The following NAALADL2 variants were observed in gnomAD, a reference collection of about 807,000 sequenced individuals.
NAALADL2 encodes the protein inactive N-acetylated-alpha-linked acidic dipeptidase-like protein 2.
Under a neutral mutation model 87.2 loss-of-function variants are expected in NAALADL2, and 76 were observed. The observed-to-expected ratio is 0.87, with a 90% CI of 0.72 to 1.05. The LOEUF is 1.05. Among genes scored for constraint, NAALADL2 ranks in the 50% least tolerant of loss-of-function variants. The pLI is 0.00. For missense variants in NAALADL2, 1,089 were observed against 945.8 expected (o/e 1.15, Z -1.99); for synonymous variants, 354 against 331.0 (o/e 1.07, Z -0.75).
intron 11 of NAALADL2, among the ~76,000 whole-genome samples, chr3:175,714,756 G>A (rs1047199321): frequency 1.3e-5 from 2 of 151,998 alleles, no homozygotes; most frequent in African/African-American, 4.8e-5. Flanking sequence ...TGTCAATTTT[G>A]GCTTTTGTTG....
chr3:175,772,539 G>T (rs545875337), intron 13 of NAALADL2, among the ~76,000 whole-genome samples: 52 of 152,272 alleles, frequency 3.4e-4, no homozygotes, highest in Non-Finnish European at 7.4e-4. Flanking sequence ...AGTTAGCACT[G>T]ATTTTCACTT....
chr3:175,262,290 A>T (rs1751166182), intron 4 of NAALADL2, among the ~76,000 whole-genome samples: 1 of 152,026 alleles, frequency 6.6e-6, no homozygotes, highest in African/African-American at 2.4e-5. Flanking sequence ...CTGAACTAAA[A>T]GTTTCATTTA....
chr3:174,600,619 G>A (rs1246807808), intron 2 of NAALADL2, among the ~76,000 whole-genome samples: 2 of 152,066 alleles, frequency 1.3e-5, no homozygotes, highest in Non-Finnish European at 2.9e-5. Context: ...ACCTGAGACT[G>A]GGTAATTTAT....
chr3:175,685,058 A>G (rs1353752042), intron 11 of NAALADL2, among the ~76,000 whole-genome samples: 1 of 152,192 alleles, frequency 6.6e-6, no homozygotes, highest in Non-Finnish European at 1.5e-5. Context: ...TTCTCCTGGC[A>G]TGGTTAACTC....
rs115707466 is a variant in NAALADL2 at position 175,220,694 on chromosome 3, C to G, written c.546-13237C>G. On this transcript the variant is annotated intron_variant, in intron 2 of 13. Transcript: ENST00000454872. ...CTGTATACTTGTCTTCATTTTTATTCATTTTTGCTATTATTTTTATTTCCT... is the reference window on the plus strand; with the variant it reads ...CTGTATACTTGTCTTCATTTTTATTGATTTTTGCTATTATTTTTATTTCCT... Among the ~76,000 whole-genome samples the G allele has an allele frequency of 9.7e-3, 1,473 of 151,964 alleles. 24 individuals carry two copies. The highest frequency in any genetic ancestry group is 0.034 in the African/African-American group (1,394 of 41,488).
chr3:175,577,577 G>A (rs1719081243), intron 10 of NAALADL2, among the ~76,000 whole-genome samples: 1 of 152,124 alleles, frequency 6.6e-6, no homozygotes, highest in South Asian at 2.1e-4. Context: ...TAAGGCTAAA[G>A]TCTATCTAAC....
intron 5 of NAALADL2, among the ~76,000 whole-genome samples, chr3:175,411,006 C>T (rs1018010309): frequency 2.0e-5 from 3 of 151,960 alleles, no homozygotes; most frequent in African/African-American, 4.8e-5. Context: ...CTTTTGGATG[C>T]GGTGTTATAG....
chr3:174,554,817 A>G (rs1712555396), intron 2 of NAALADL2, among the ~76,000 whole-genome samples: 1 of 151,916 alleles, frequency 6.6e-6, no homozygotes, highest in Non-Finnish European at 1.5e-5. Context: ...TTTGGGGCAA[A>G]ATATTTTAGA....
intron 2 of NAALADL2, among the ~76,000 whole-genome samples, chr3:174,623,049 A>G (rs116448064): frequency 0.013 from 2,050 of 152,306 alleles, 11 homozygotes; most frequent in South Asian, 0.024. Context: ...TCTCAAAAAA[A>G]AAGAGGACTC....
In NAALADL2 at chr3:174,738,072, G is replaced by A. The variant is rs151139897; in HGVS notation, c.-9+326G>A. 3.1e-3 allele frequency among the ~76,000 whole-genome samples: 471 copies of A among 152,156 alleles called. 2 individuals are homozygous for A. Among genetic ancestry groups the A allele is most frequent in the Middle Eastern group, 0.017 (5 of 294 alleles). ...ATGTTATGACTAATAAGATTAAGTC[G>A]TGTTTTTGGATTAAGTCAGCCTAGT... On this transcript the variant is annotated intron_variant, in intron 3 of 3. Transcript: ENST00000434257.
intron 2 of NAALADL2, among the ~76,000 whole-genome samples, chr3:174,699,850 T>C (rs1157834414): frequency 6.6e-6 from 1 of 150,770 alleles, no homozygotes; most frequent in African/African-American, 2.5e-5. Flanking sequence ...TTTTTTTTTT[T>C]TTTGAGAAGA....
intron 6 of NAALADL2, among the ~76,000 whole-genome samples, chr3:175,453,477 T>C (rs1721876707): frequency 6.6e-6 from 1 of 152,126 alleles, no homozygotes; most frequent in South Asian, 2.1e-4. Context: ...TCAGTGCAAG[T>C]GTTATATTCT....
intron 3 of NAALADL2, among the ~76,000 whole-genome samples, chr3:174,815,834 T>A (rs58679581): frequency 1.1e-5 from 1 of 94,882 alleles, no homozygotes; most frequent in Non-Finnish European, 2.2e-5. Flanking sequence ...ACTTTAGTTT[T>A]TTTTTTTTTT....
chr3:174,852,140 C>CT (rs1725325724), intron 3 of NAALADL2, among the ~76,000 whole-genome samples: 1 of 152,054 alleles, frequency 6.6e-6, no homozygotes, highest in Non-Finnish European at 1.5e-5. Flanking sequence ...AACTGAAAGC[C>CT]TTTTTTTCTA....
chr3:175,738,870 G>T (rs1744874878), intron 12 of NAALADL2, among the ~76,000 whole-genome samples: 1 of 152,064 alleles, frequency 6.6e-6, no homozygotes, highest in African/African-American at 2.4e-5. Flanking sequence ...AACAAAGAAG[G>T]TATAAATAAA....
intron 2 of NAALADL2, among the ~76,000 whole-genome samples, chr3:175,163,854 A>C (rs569589024): frequency 6.6e-6 from 1 of 152,194 alleles, no homozygotes; most frequent in African/African-American, 2.4e-5. Context: ...TCAATGATTC[A>C]TGAGCATACA....
At chr3:174,658,198 T>G (rs1029417184) in intron 2 of NAALADL2, among the ~76,000 whole-genome samples, 2 of 152,202 alleles carry the variant, frequency 1.3e-5, no homozygotes, top group Admixed American at 1.3e-4. Flanking sequence ...ACCACCAAAC[T>G]GTCTTCCCAA....
At chr3:174,964,035 G>GGA (rs1553904967) in intron 1 of NAALADL2, among the ~76,000 whole-genome samples, 103 of 151,178 alleles carry the variant, frequency 6.8e-4, no homozygotes, top group African/African-American at 1.1e-3. Context: ...AATCTTTTGG[G>GGA]AAAAAAAACT....
At chr3:174,557,186 G>C (rs1310982990) in intron 2 of NAALADL2, among the ~76,000 whole-genome samples, 9 of 151,574 alleles carry the variant, frequency 5.9e-5, no homozygotes, top group Non-Finnish European at 7.4e-5. Flanking sequence ...TTCTGTTTCG[G>C]CCTTTTTACT....
Sources: allele counts gnomAD v4.1 joint callset (sites outside exome capture counted in the v4.1 genomes callset), GRCh38; gene constraint gnomAD v4.1.1; transcripts MANE v1.5; gene names NCBI Gene and HGNC (gene_info 2026-07-23, HGNC 2026-07-21).